The following NLGN1 variants were observed in gnomAD, a reference collection of about 807,000 sequenced individuals.
The protein encoded by NLGN1 is neuroligin 1.
Under a neutral mutation model 65.5 loss-of-function variants are expected in NLGN1, and 12 were observed. The ratio of observed to expected loss-of-function variants is 0.18; its 90% CI spans 0.12 to 0.30. The LOEUF (loss-of-function observed/expected upper bound fraction) is 0.30. Among genes scored for constraint, NLGN1 ranks in the 10% least tolerant of loss-of-function variants. NLGN1 has a pLI of 1.00. For missense variants in NLGN1, 750 were observed against 1,007.1 expected (o/e 0.74, Z 3.46); for synonymous variants, 350 against 359.5 (o/e 0.97, Z 0.30).
intron 1 of NLGN1, among the ~76,000 whole-genome samples, chr3:173,432,524 T>A (rs948950450): frequency 6.6e-5 from 10 of 152,204 alleles, no homozygotes; most frequent in Admixed American, 2.0e-4. Context: ...CTGTATAACT[T>A]CTTTGGTGAG....
chr3:173,790,412 C>T (rs1712437971), intron 3 of NLGN1, among the ~76,000 whole-genome samples: 1 of 152,052 alleles, frequency 6.6e-6, no homozygotes, highest in Non-Finnish European at 1.5e-5. Context: ...TCTCAACCAC[C>T]CACAATTCAG....
intron 4 of NLGN1, among the ~76,000 whole-genome samples, chr3:174,143,379 C>G (rs1303261087): frequency 6.6e-6 from 1 of 152,102 alleles, no homozygotes; most frequent in African/African-American, 2.4e-5. Flanking sequence ...AAGAGAATGA[C>G]AGAAACCAAA....
chr3:173,554,984 A>G (rs1289380973), intron 2 of NLGN1, among the ~76,000 whole-genome samples: 1 of 152,106 alleles, frequency 6.6e-6, no homozygotes, highest in Non-Finnish European at 1.5e-5. Flanking sequence ...TGTGGTTTTT[A>G]ACTTGCATTA....
chr3:173,856,356 G>A (rs1439194526), intron 4 of NLGN1, among the ~76,000 whole-genome samples: 1 of 152,098 alleles, frequency 6.6e-6, no homozygotes, highest in South Asian at 2.1e-4. Context: ...AACCTATGCT[G>A]TAGGTGGTAT....
chr3:174,128,474 C>T (rs1719434236), intron 4 of NLGN1, among the ~76,000 whole-genome samples: 1 of 152,168 alleles, frequency 6.6e-6, no homozygotes, highest in African/African-American at 2.4e-5. Context: ...TACAACGGCT[C>T]AGTTGAATGG....
chr3:173,500,316 G>A (rs369826242), intron 2 of NLGN1, among the ~76,000 whole-genome samples: 6 of 152,118 alleles, frequency 3.9e-5, no homozygotes, highest in Admixed American at 1.3e-4. Context: ...TAATCATGTG[G>A]TTTTTGTCTT....
chr3:173,995,434 A>G (rs1722060066), intron 4 of NLGN1, among the ~76,000 whole-genome samples: 1 of 152,150 alleles, frequency 6.6e-6, no homozygotes, highest in Non-Finnish European at 1.5e-5. Context: ...AATCTCTATG[A>G]ATCCTAATCC....
chr3:173,582,425 ACT>A (rs370187103), intron 2 of NLGN1, among the ~76,000 whole-genome samples: 1 of 151,810 alleles, frequency 6.6e-6, no homozygotes, highest in African/African-American at 2.4e-5. Context: ...ACTATCATAT[ACT>A]CTCTGTAATT....
chr3:173,931,192 G>A (rs1025863277), intron 4 of NLGN1, among the ~76,000 whole-genome samples: 1 of 152,050 alleles, frequency 6.6e-6, no homozygotes, highest in African/African-American at 2.4e-5. Context: ...CACTCTAGGG[G>A]CTCTGGAGGA....
At chr3:173,480,211 G>T (rs184928113) in intron 2 of NLGN1, among the ~76,000 whole-genome samples, 1 of 151,686 alleles carries the variant, frequency 6.6e-6, no homozygotes, top group East Asian at 1.9e-4. Context: ...GTGATTCTCG[G>T]TGCTAGCCAC....
chr3:173,747,061 C>T (rs2861605), intron 3 of NLGN1, among the ~76,000 whole-genome samples: 319 of 4,936 alleles, frequency 0.065, 33 homozygotes, highest in Middle Eastern at 0.5. Context: ...ATTATATATA[C>T]ACACACACAC....
At chr3:173,696,159 A>G (rs939057162) in intron 3 of NLGN1, among the ~76,000 whole-genome samples, 3 of 152,200 alleles carry the variant, frequency 2.0e-5, no homozygotes, top group African/African-American at 7.2e-5. Context: ...AGTTCCAACT[A>G]AGTTGACTAA....
chr3:173,429,721 C>A (rs1716847875), intron 1 of NLGN1, among the ~76,000 whole-genome samples: 1 of 152,076 alleles, frequency 6.6e-6, no homozygotes, highest in Non-Finnish European at 1.5e-5. Context: ...CTAGATGACA[C>A]CCTTGCTCAG....
intron 2 of NLGN1, among the ~76,000 whole-genome samples, chr3:173,581,278 C>CT (rs542527339): frequency 1.2e-3 from 185 of 152,030 alleles, no homozygotes; most frequent in African/African-American, 4.1e-3. Context: ...AATATAATGC[C>CT]TAGTGATTGT....
At chr3:173,467,068 C>T (rs760766716) in intron 2 of NLGN1, among the ~76,000 whole-genome samples, 18 of 152,018 alleles carry the variant, frequency 1.2e-4, no homozygotes, top group Non-Finnish European at 2.5e-4. Flanking sequence ...TTTCTAATCT[C>T]ATCAGAGGAA....
chr3:173,967,336 C>G (rs1050536593), intron 4 of NLGN1, among the ~76,000 whole-genome samples: 3 of 152,144 alleles, frequency 2.0e-5, no homozygotes, highest in Non-Finnish European at 4.4e-5. Context: ...CTGTGCTACG[C>G]AAACTCTAGG....
At chr3:173,629,471 C>A (rs902214417) in intron 3 of NLGN1, among the ~76,000 whole-genome samples, 2 of 152,032 alleles carry the variant, frequency 1.3e-5, no homozygotes, top group African/African-American at 4.8e-5. Flanking sequence ...AGACAATTAC[C>A]TTTATTAATT....
At chr3:173,960,573 C>T (rs888201328) in intron 4 of NLGN1, among the ~76,000 whole-genome samples, 4 of 151,688 alleles carry the variant, frequency 2.6e-5, no homozygotes, top group Non-Finnish European at 4.4e-5. Context: ...AAGATTTATT[C>T]GGGTTATTTG....
chr3:173,413,086 G>A (rs1285093489), intron 1 of NLGN1, among the ~76,000 whole-genome samples: 1 of 151,778 alleles, frequency 6.6e-6, no homozygotes, highest in African/African-American at 2.4e-5. Flanking sequence ...TTTCTGCCTT[G>A]CCCACCCTAG....
Sources: gnomAD v4.1 joint callset for allele counts (sites outside exome capture counted in the v4.1 genomes callset) on GRCh38, gnomAD v4.1.1 for gene constraint, MANE v1.5 for transcripts, NCBI Gene and HGNC (gene_info 2026-07-23, HGNC 2026-07-21) for gene names.